Variants in UNC13C observed in about 807,000 individuals in gnomAD.
UNC13C encodes protein unc-13 homolog C.
UNC13C carries 174 observed loss-of-function variants against 245.4 expected under a neutral mutation model. The observed-to-expected ratio is 0.71, with a 90% CI of 0.63 to 0.80. The LOEUF (loss-of-function observed/expected upper bound fraction) is 0.80, where lower values mean the gene tolerates loss of function less well. UNC13C is among the 30% of genes least tolerant of loss of function. The pLI, the probability that UNC13C is intolerant of heterozygous loss-of-function variation, is 0.00. For missense variants in UNC13C, 2,829 were observed against 2,602.9 expected (o/e 1.09, Z -1.89); for synonymous variants, 992 against 895.1 (o/e 1.11, Z -1.93).
intron 4 of UNC13C, among the ~76,000 whole-genome samples, chr15:54,143,965 A>T (rs749463528): frequency 6.6e-6 from 1 of 152,190 alleles, no homozygotes; most frequent in Non-Finnish European, 1.5e-5. Flanking sequence ...CCCAAATAGA[A>T]TCACAAAATT....
intron 17 of UNC13C, among the ~76,000 whole-genome samples, chr15:54,349,823 C>T (rs904923053): frequency 4.6e-5 from 7 of 151,984 alleles, no homozygotes; most frequent in Admixed American, 6.6e-5. Flanking sequence ...GTATCTTTCA[C>T]AGAAAAATAG....
chr15:54,307,215 C>A (rs574688642), intron 13 of UNC13C, among the ~76,000 whole-genome samples: 2 of 152,020 alleles, frequency 1.3e-5, no homozygotes, highest in South Asian at 4.1e-4. Context: ...GTCCTGGATG[C>A]TAGAAGGTCC....
At chr15:54,327,278 G>A (rs1480403440) in intron 14 of UNC13C, among the ~76,000 whole-genome samples, 3 of 151,896 alleles carry the variant, frequency 2.0e-5, no homozygotes, top group African/African-American at 7.3e-5. Flanking sequence ...CCAAGTATAA[G>A]TGATATTTTT....
chr15:54,524,279 T>TTAATTTTCTC (rs1167967844), intron 24 of UNC13C, among the ~76,000 whole-genome samples: 1 of 152,122 alleles, frequency 6.6e-6, no homozygotes, highest in African/African-American at 2.4e-5. Context: ...TCTGTTATGG[T>TTAATTTTCTC]AGCCTGTGTG....
At chr15:54,543,795 A>G (rs1896357002) in intron 26 of UNC13C, among the ~76,000 whole-genome samples, 2 of 152,180 alleles carry the variant, frequency 1.3e-5, no homozygotes, top group South Asian at 4.1e-4. Context: ...AAACTGAGGC[A>G]GTAATTAATA....
chr15:54,145,618 A>G (rs1351442631), intron 4 of UNC13C, among the ~76,000 whole-genome samples: 3 of 152,342 alleles, frequency 2.0e-5, no homozygotes, highest in Non-Finnish European at 1.5e-5. Flanking sequence ...GTTGACCAGC[A>G]ATAATAATTT....
chr15:54,566,809 C>T (rs905608380), intron 29 of UNC13C, among the ~76,000 whole-genome samples: 1 of 152,024 alleles, frequency 6.6e-6, no homozygotes, highest in Non-Finnish European at 1.5e-5. Context: ...AGAAGAATGA[C>T]ACATACCCAT....
intron 4 of UNC13C, among the ~76,000 whole-genome samples, chr15:54,181,148 C>A (rs1422612080): frequency 2.0e-5 from 3 of 151,946 alleles, no homozygotes; most frequent in South Asian, 4.1e-4. Context: ...GCATTTAAAT[C>A]TTTAATCCAT....
At chr15:53,998,554 A>C (rs1286094104) in intron 1 of UNC13C, among the ~76,000 whole-genome samples, 1 of 152,112 alleles carries the variant, frequency 6.6e-6, no homozygotes, top group Non-Finnish European at 1.5e-5. Context: ...TACTCATGTC[A>C]ACTGTGGAAA....
rs1171090768 is a variant in UNC13C at position 54,294,005 on chromosome 15, G to C, written c.3929G>C (p.Gly1310Ala). The change falls in exon 11 of 33, where the codon GGA (glycine) becomes GCA (alanine). Residue 1310 changes from glycine to alanine, a missense_variant. Transcript: ENST00000260323. Reference sequence around the variant, plus strand: ...AAAAAGGAGTCAGATGATTTTCTGGGACAAACAATTGTAGAAGTGAGGACC... The same window carrying C: ...AAAAAGGAGTCAGATGATTTTCTGGCACAAACAATTGTAGAAGTGAGGACC... The part of the protein sequence containing the change: ...HFKKESDDFL[G>A]QTIVEVRTLS... 6.3e-7 allele frequency: 1 copy of C among 1,597,620 alleles called. No individual in the cohort carries two copies.
chr15:54,385,716 A>G lies in UNC13C; in HGVS notation c.4714-7332A>G, dbSNP rs563789271. Among the ~76,000 whole-genome samples the G allele has an allele frequency of 2.0e-5, 3 of 152,116 alleles. No individual in the cohort carries two copies. In the South Asian group the frequency reaches 6.2e-4, roughly 32 times the overall value. ...TAATTGGAGGACAGGACTTGAAATG[A>G]TATCAACAAATAAAAATGATAATCA... On this transcript the variant is annotated intron_variant, in intron 17 of 32. Coordinates refer to ENST00000260323, the MANE Select transcript of UNC13C (RefSeq NM_001080534.3).
At chr15:54,376,607 G>C (rs935854742) in intron 17 of UNC13C, among the ~76,000 whole-genome samples, 4 of 152,192 alleles carry the variant, frequency 2.6e-5, no homozygotes, top group Admixed American at 1.3e-4. Flanking sequence ...CAGGGCCTAA[G>C]AGAAAGACTC....
chr15:54,359,193 A>T (rs749167647), intron 17 of UNC13C, among the ~76,000 whole-genome samples: 2 of 151,930 alleles, frequency 1.3e-5, no homozygotes, highest in Non-Finnish European at 2.9e-5. Context: ...TAATAATGAA[A>T]GATCTTTTTA....
At chr15:54,218,982 A>G (rs897745770) in intron 4 of UNC13C, among the ~76,000 whole-genome samples, 29 of 152,204 alleles carry the variant, frequency 1.9e-4, no homozygotes, top group African/African-American at 6.3e-4. Context: ...TTCCATGCTC[A>G]TGGGTAGGAA....
chr15:54,019,507 C>A, intron 2 of UNC13C, among the ~76,000 whole-genome samples: 1 of 152,170 alleles, frequency 6.6e-6, no homozygotes, highest in Non-Finnish European at 1.5e-5. Context: ...AAATACTGTA[C>A]TATAACAGCT....
chr15:53,908,841 C>G, the UNC13C span, among the ~76,000 whole-genome samples: 1 of 142,330 alleles, frequency 7.0e-6, no homozygotes, highest in Non-Finnish European at 1.6e-5. Flanking sequence ...TTATATTTAG[C>G]ATTAGTTGAG....
At chr15:54,071,643 T>C (rs957667826) in intron 2 of UNC13C, among the ~76,000 whole-genome samples, 1 of 151,358 alleles carries the variant, frequency 6.6e-6, no homozygotes, top group African/African-American at 2.4e-5. Flanking sequence ...GAATGGTTCT[T>C]ATATTTTGAA....
At chr15:54,167,425 C>T (rs1162739541) in intron 4 of UNC13C, among the ~76,000 whole-genome samples, 1 of 149,450 alleles carries the variant, frequency 6.7e-6, no homozygotes, top group Non-Finnish European at 1.5e-5. Context: ...TGGCGTGAAC[C>T]CGGGAGGCGG....
the UNC13C span, among the ~76,000 whole-genome samples, chr15:53,896,264 C>T: frequency 6.6e-6 from 1 of 152,050 alleles, no homozygotes; most frequent in East Asian, 1.9e-4. Context: ...AAAAAATACT[C>T]CTAGAGCATA....
Sources: allele counts gnomAD v4.1 joint callset (sites outside exome capture counted in the v4.1 genomes callset), GRCh38; gene constraint gnomAD v4.1.1; transcripts MANE v1.5; gene names NCBI Gene and HGNC (gene_info 2026-07-23, HGNC 2026-07-21).